Variants in GLI2 observed in about 807,000 individuals in gnomAD.
GLI2 encodes the protein GLI family zinc finger 2, also known as transcription activator GLI2.
GLI2 carries 22 observed loss-of-function variants against 78.9 expected under a neutral mutation model. That is an observed-to-expected ratio of 0.28 (90% CI 0.20 to 0.40). The LOEUF (loss-of-function observed/expected upper bound fraction) is 0.40. Among genes scored for constraint, GLI2 ranks in the 10% least tolerant of loss-of-function variants. The pLI, the probability that GLI2 is intolerant of heterozygous loss-of-function variation, is 1.00. For synonymous variants in GLI2, 974 were observed against 963.7 expected (o/e 1.01, Z -0.20); for missense variants, 2,097 against 2,213.2 (o/e 0.95, Z 1.05).
At chr2:120,938,896 C>T (rs935311172) in intron 3 of GLI2, among the ~76,000 whole-genome samples, 3 of 152,188 alleles carry the variant, frequency 2.0e-5, no homozygotes, top group Non-Finnish European at 4.4e-5. Flanking sequence ...GAATCCCTAT[C>T]CACTCAGCCA....
chr2:120,952,460 T>C (rs1265204679), intron 4 of GLI2, among the ~76,000 whole-genome samples: 2 of 152,212 alleles, frequency 1.3e-5, no homozygotes, highest in African/African-American at 4.8e-5. Flanking sequence ...AGCGGAGGCC[T>C]GGCTCTGAGA....
chr2:120,963,022 A>G (rs1210625264), intron 5 of GLI2, among the ~76,000 whole-genome samples: 3 of 152,202 alleles, frequency 2.0e-5, no homozygotes, highest in Admixed American at 6.5e-5. Context: ...GAGGATTGAC[A>G]AGGAGTGGAC....
chr2:120,833,092 C>G (rs1043733008), intron 2 of GLI2, among the ~76,000 whole-genome samples: 11 of 152,018 alleles, frequency 7.2e-5, no homozygotes, highest in African/African-American at 2.7e-4. Context: ...CCCAGCCCAC[C>G]TCCAGGCCTC....
At chr2:120,864,433 A>G (rs1040885228) in intron 2 of GLI2, among the ~76,000 whole-genome samples, 17 of 151,982 alleles carry the variant, frequency 1.1e-4, no homozygotes, top group Admixed American at 5.2e-4. Flanking sequence ...TAGGGGTCGA[A>G]TGGGGATTGG....
At chr2:120,825,834 G>T (rs542151528) in intron 2 of GLI2, among the ~76,000 whole-genome samples, 1 of 152,344 alleles carries the variant, frequency 6.6e-6, no homozygotes, top group Non-Finnish European at 1.5e-5. Flanking sequence ...AAGCCCCAAG[G>T]CCAGGAGATG....
intron 3 of GLI2, among the ~76,000 whole-genome samples, chr2:120,928,164 C>T (rs749369619): frequency 9.9e-4 from 151 of 152,158 alleles, no homozygotes; most frequent in Non-Finnish European, 2.6e-4. Flanking sequence ...TCCACTGCTC[C>T]CCGCACCTGC....
At chr2:120,903,920 A>G (rs1678388755) in intron 2 of GLI2, among the ~76,000 whole-genome samples, 1 of 152,184 alleles carries the variant, frequency 6.6e-6, no homozygotes, top group Non-Finnish European at 1.5e-5. Flanking sequence ...ATGGGCCAAG[A>G]AACTCAGGGG....
At chr2:120,796,409 C>T (rs1209243675) in intron 1 of GLI2, among the ~76,000 whole-genome samples, 2 of 152,220 alleles carry the variant, frequency 1.3e-5, no homozygotes, top group African/African-American at 2.4e-5. Context: ...GACCCTTTTA[C>T]ACCCGGAGTC....
At chr2:120,941,796 C>A (rs1680459676) in intron 3 of GLI2, among the ~76,000 whole-genome samples, 1 of 152,216 alleles carries the variant, frequency 6.6e-6, no homozygotes, top group Non-Finnish European at 1.5e-5. Context: ...AAAGGCAGGG[C>A]TGGTGTACAC....
intron 3 of GLI2, among the ~76,000 whole-genome samples, chr2:120,943,949 C>G (rs1680585259): frequency 6.6e-6 from 1 of 152,162 alleles, no homozygotes; most frequent in African/African-American, 2.4e-5. Context: ...GCCCCCACAC[C>G]TTGGCTCAGG....
rs781150227 is a variant in GLI2 at position 120,978,597 on chromosome 2, T to C, written c.1467+14T>C. 5 of 1,607,850 alleles carry C rather than the reference T, an allele frequency of 3.1e-6. No individual in the cohort carries two copies. Among genetic ancestry groups the C allele is most frequent in the Middle Eastern group, 1.7e-4 (1 of 5,728 alleles). The stretch of plus-strand genomic sequence containing the variant: ...CACAAGTGCACGGTGAGTGGCCTTC[T>C]CCCCACCCCCGCCGCAGCATCAAGA... On this transcript the variant is annotated intron_variant, in intron 10 of 13. Coordinates refer to ENST00000361492, the MANE Select transcript of GLI2 (RefSeq NM_001374353.1).
chr2:120,900,000 CG>C (rs1464474185), intron 2 of GLI2, among the ~76,000 whole-genome samples: 2 of 152,184 alleles, frequency 1.3e-5, no homozygotes, highest in Non-Finnish European at 2.9e-5. Context: ...GGAGGATTTG[CG>C]TCTCTAGCAG....
intron 2 of GLI2, among the ~76,000 whole-genome samples, chr2:120,864,945 A>C (rs1449786099): frequency 6.6e-6 from 1 of 152,186 alleles, no homozygotes; most frequent in East Asian, 1.9e-4. Flanking sequence ...TGGGGTCCAG[A>C]GAGCAGCCCT....
chr2:120,928,128 C>T (rs1679779349), intron 3 of GLI2, among the ~76,000 whole-genome samples: 1 of 152,086 alleles, frequency 6.6e-6, no homozygotes, highest in Non-Finnish European at 1.5e-5. Context: ...GAAAGAAGGC[C>T]CCTCCTTCTC....
intron 1 of GLI2, among the ~76,000 whole-genome samples, chr2:120,738,330 G>A (rs1359411910): frequency 3.3e-5 from 5 of 152,134 alleles, no homozygotes; most frequent in Admixed American, 6.5e-5. Context: ...TCTCTTGAGG[G>A]TTACAGGAAA....
intron 1 of GLI2, among the ~76,000 whole-genome samples, chr2:120,794,785 G>A (rs773154654): frequency 5.3e-5 from 8 of 152,098 alleles, no homozygotes; most frequent in East Asian, 3.9e-4. Flanking sequence ...CTTAAGGGGC[G>A]GATTTTAAAG....
intron 2 of GLI2, chr2:120,867,219 C>G (rs1429450491): frequency 2.6e-5 from 4 of 152,304 alleles, no homozygotes; most frequent in African/African-American, 9.6e-5. Context: ...AGTTCCAGAC[C>G]CTGGAGGGCA....
chr2:120,911,509 C>T (rs528117979), intron 2 of GLI2, among the ~76,000 whole-genome samples: 213 of 152,152 alleles, frequency 1.4e-3, no homozygotes, highest in Admixed American at 2.6e-3. Flanking sequence ...GGCTTTCTCT[C>T]CTCGGTCCTA....
At chr2:120,832,643 G>C (rs948895832) in intron 2 of GLI2, among the ~76,000 whole-genome samples, 1 of 152,344 alleles carries the variant, frequency 6.6e-6, no homozygotes. Flanking sequence ...GAGGCTGGCT[G>C]TGACTCTTTT....
Sources: allele counts gnomAD v4.1 joint callset (sites outside exome capture counted in the v4.1 genomes callset), GRCh38; gene constraint gnomAD v4.1.1; transcripts MANE v1.5; gene names NCBI Gene and HGNC (gene_info 2026-07-23, HGNC 2026-07-21).